The following SOX6 variants were observed in gnomAD, a reference collection of about 807,000 sequenced individuals.
The protein encoded by SOX6 is transcription factor SOX-6.
SOX6 carries 11 observed loss-of-function variants against 97.8 expected under a neutral mutation model. The ratio of observed to expected loss-of-function variants is 0.11; its 90% CI spans 0.07 to 0.19. The LOEUF is 0.19. Ranked by LOEUF, SOX6 falls within the 10% of genes least tolerant of loss-of-function variation. SOX6 has a pLI of 1.00. For missense variants in SOX6, 810 were observed against 1,039.5 expected, an observed-to-expected ratio of 0.78 and a Z score of 3.04; for synonymous variants, 360 against 371.4, an observed-to-expected ratio of 0.97 and a Z score of 0.35.
chr11:16,212,132 C>T (rs550898474), intron 4 of SOX6, among the ~76,000 whole-genome samples: 6 of 152,126 alleles, frequency 3.9e-5, no homozygotes, highest in Admixed American at 1.3e-4. Context: ...ACACTGTAAA[C>T]AGATATGAGG....
chr11:16,352,039 T>C (rs1856960203), intron 1 of SOX6, among the ~76,000 whole-genome samples: 1 of 152,024 alleles, frequency 6.6e-6, no homozygotes, highest in Admixed American at 6.6e-5. Context: ...TAGGGTGTTA[T>C]CTTCAACCAG....
At chr11:16,473,678 A>C (rs1166466947) in intron 1 of SOX6, among the ~76,000 whole-genome samples, 1 of 151,568 alleles carries the variant, frequency 6.6e-6, no homozygotes, top group South Asian at 2.1e-4. Context: ...CAGCCTCCTG[A>C]GTAGCTGGGA....
At chr11:16,519,181 T>C (rs983351261) in intron 4 of SOX6, among the ~76,000 whole-genome samples, 1 of 152,174 alleles carries the variant, frequency 6.6e-6, no homozygotes, top group Admixed American at 6.5e-5. Flanking sequence ...ACTTTCATTT[T>C]CAGTGGCTAG....
chr11:16,157,713 C>CA (rs1850639319), intron 6 of SOX6, among the ~76,000 whole-genome samples: 1 of 151,982 alleles, frequency 6.6e-6, no homozygotes, highest in Non-Finnish European at 1.5e-5. Flanking sequence ...CTTCATTTTG[C>CA]CACACTTGTA....
intron 4 of SOX6, among the ~76,000 whole-genome samples, chr11:16,562,146 T>C (rs900499193): frequency 1.3e-5 from 2 of 152,184 alleles, no homozygotes; most frequent in African/African-American, 2.4e-5. Flanking sequence ...ATTTCTAATA[T>C]GAAGACTTCC....
At position 16,199,293 on chromosome 11, in the gene SOX6, AC is replaced by A. The variant is rs567296008; in HGVS notation, c.536-12339del. ...AGAGATAAAGAATTTGAACTAAAAAACATTCAATAAACACTTTTTTTTAGCA... is the reference window on the plus strand; with the variant it reads ...AGAGATAAAGAATTTGAACTAAAAAAATTCAATAAACACTTTTTTTTAGCA... On this transcript the variant is annotated intron_variant, in intron 4 of 15. Coordinates refer to ENST00000683767, the MANE Select transcript of SOX6 (RefSeq NM_001367873.1). Among the ~76,000 whole-genome samples, 13 of 152,320 alleles carry A rather than the reference AC, an allele frequency of 8.5e-5. No individual in the cohort carries two copies. In the East Asian group the frequency reaches 2.3e-3, roughly 27 times the overall value.
chr11:16,558,077 C>T (rs1258530840), intron 4 of SOX6, among the ~76,000 whole-genome samples: 1 of 151,846 alleles, frequency 6.6e-6, no homozygotes, highest in African/African-American at 2.4e-5. Context: ...GAGTGTATCT[C>T]TAACTTAACT....
chr11:16,313,319 T>G (rs1451131328), intron 3 of SOX6: 1 of 152,196 alleles, frequency 6.6e-6, no homozygotes, highest in Non-Finnish European at 1.5e-5. Context: ...AGGTATTTAG[T>G]CTGATAAAGA....
chr11:16,289,598 T>C (rs1038842428), intron 3 of SOX6, among the ~76,000 whole-genome samples: 1 of 151,984 alleles, frequency 6.6e-6, no homozygotes, highest in African/African-American at 2.4e-5. Context: ...TAGGTGTGCC[T>C]TTTGATTTAC....
chr11:16,645,470 A>G (rs904548117), intron 3 of SOX6, among the ~76,000 whole-genome samples: 1 of 152,200 alleles, frequency 6.6e-6, no homozygotes, highest in African/African-American at 2.4e-5. Flanking sequence ...ACTGAAAAAA[A>G]TCTGTTGAAG....
At position 15,989,132 on chromosome 11, in the gene SOX6, C is replaced by T. The variant is rs775345746; in HGVS notation, c.1831G>A (p.Ala611Thr). ...GGCTCGCTGCTGGCACGGCCGCGGG[C>T]GTCCCTGTAGACTCGTGCTTCAGCC... is the stretch of plus-strand genomic sequence containing the variant. ...TVAEARVYRD[A>T]RGRASSEPHI... The change falls in exon 14 of 16, where the codon GCC becomes ACC. Residue 611 changes from alanine (A) to threonine (T), a missense_variant. This residue lies in a region of SOX6 where 51 missense variants were observed against 145.7 expected (regional missense o/e 0.35). Transcript: ENST00000683767. 3.7e-6 allele frequency: 6 copies of T among 1,614,026 alleles called. No individual in the cohort carries two copies. Among genetic ancestry groups the T allele is most frequent in the South Asian group, 1.1e-5 (1 of 91,084 alleles).
At chr11:16,321,917 G>A (rs1191030504) in intron 2 of SOX6, among the ~76,000 whole-genome samples, 1 of 151,986 alleles carries the variant, frequency 6.6e-6, no homozygotes, top group Non-Finnish European at 1.5e-5. Flanking sequence ...TTCATAAGTG[G>A]AAGTCTGTAA....
intron 9 of SOX6, among the ~76,000 whole-genome samples, chr11:16,078,302 G>A (rs773533662): frequency 4.6e-5 from 7 of 152,120 alleles, no homozygotes; most frequent in South Asian, 2.1e-4. Context: ...CTTTAAATAC[G>A]TACATCTTGA....
At chr11:16,046,799 C>A (rs1215257845) in intron 11 of SOX6, 98 bp from the exon 12 acceptor site, 2 of 1,233,088 alleles carry the variant, frequency 1.6e-6, no homozygotes, top group Non-Finnish European at 2.3e-6. Context: ...ATTCTCTGAA[C>A]AAGGAAGGGG....
At chr11:16,428,990 CTTTTA>C (rs1395571341) in intron 1 of SOX6, among the ~76,000 whole-genome samples, 1 of 152,090 alleles carries the variant, frequency 6.6e-6, no homozygotes, top group Admixed American at 6.6e-5. Flanking sequence ...TTTGTATCCT[CTTTTA>C]TTTCATTGAG....
At chr11:16,046,751 A>G (rs1855845986) in intron 11 of SOX6, 50 bp from the exon 12 acceptor site, 1 of 1,558,130 alleles carries the variant, frequency 6.4e-7, no homozygotes, top group South Asian at 1.1e-5. Flanking sequence ...AGACTCCTAA[A>G]AAGTACTACT....
intron 13 of SOX6, among the ~76,000 whole-genome samples, chr11:16,010,813 T>C (rs1854695665): frequency 6.6e-6 from 1 of 151,848 alleles, no homozygotes. Context: ...ATACAACCTC[T>C]AAGCCATTAC....
chr11:16,157,440 A>C (rs1850632566), intron 6 of SOX6, among the ~76,000 whole-genome samples: 1 of 152,000 alleles, frequency 6.6e-6, no homozygotes, highest in Non-Finnish European at 1.5e-5. Flanking sequence ...CAGCATGTCA[A>C]AAATAAAACC....
intron 4 of SOX6, among the ~76,000 whole-genome samples, chr11:16,525,257 C>G (rs1175211860): frequency 6.6e-6 from 1 of 152,028 alleles, no homozygotes; most frequent in African/African-American, 2.4e-5. Flanking sequence ...GTAACCAAAA[C>G]AGCATGGTAC....
Sources: allele counts gnomAD v4.1 joint callset (sites outside exome capture counted in the v4.1 genomes callset), GRCh38; gene constraint gnomAD v4.1.1; regional missense constraint gnomAD v4.1.1; transcripts MANE v1.5; gene names NCBI Gene and HGNC (gene_info 2026-07-23, HGNC 2026-07-21).